Variants in FREM2 observed in about 807,000 individuals in gnomAD.
FREM2 encodes the protein FRAS1-related extracellular matrix protein 2.
Under a neutral mutation model 219.9 loss-of-function variants are expected in FREM2, and 119 were observed. The ratio of observed to expected loss-of-function variants is 0.54; its 90% CI spans 0.47 to 0.63. The LOEUF (loss-of-function observed/expected upper bound fraction) is 0.63, where lower values mean the gene tolerates loss of function less well. Ranked by LOEUF, FREM2 falls within the 30% of genes least tolerant of loss-of-function variation. The pLI, the probability that FREM2 is intolerant of heterozygous loss-of-function variation, is 0.00. For synonymous variants in FREM2, 1,562 were observed against 1,522.8 expected, an observed-to-expected ratio of 1.03 and a Z score of -0.60; for missense variants, 4,030 against 3,993.6, an observed-to-expected ratio of 1.01 and a Z score of -0.25.
chr13:38,721,456 G>A lies in FREM2; in HGVS notation c.5263+23669G>A, dbSNP rs139340188. The stretch of plus-strand genomic sequence containing the variant: ...GAGGCAGCCACCCAGGGAGGGGGAC[G>A]CAGCACCAGACAAGTAGCTGCAGTC... On this transcript the variant is annotated intron_variant, in intron 2 of 23. Coordinates refer to ENST00000280481, the MANE Select transcript of FREM2 (RefSeq NM_207361.6). 4.4e-3 allele frequency among the ~76,000 whole-genome samples: 666 copies of A among 152,242 alleles called. 10 individuals carry two copies. Among genetic ancestry groups the A allele is most frequent in the African/African-American group, 0.015 (616 of 41,540 alleles).
chr13:38,689,705 AC>A lies in FREM2; in HGVS notation c.2366del (p.Pro789ArgfsTer59), dbSNP rs1566103941. 1.2e-6 allele frequency: 2 copies of A among 1,613,658 alleles called. No homozygotes were observed. The highest frequency in any genetic ancestry group is 1.7e-5 in the Admixed American group (1 of 59,956). ...TCAACCATCATAAAATTGCTTACAG[AC>A]CCCCGGGTCAAGAACTGGGCGTGGC... ...QINHHKIAYR[P>X]PGQELGVATR... On this transcript the variant is annotated frameshift_variant, in exon 1 of 24. Transcript: ENST00000280481. LOFTEE classifies it high-confidence loss of function.
rs1257763820 is a variant in FREM2, at chr13:38,872,886, A to G, written c.8128A>G (p.Ile2710Val). 6.2e-7 allele frequency: 1 copy of G among 1,614,016 alleles called. No individual in the cohort carries two copies. The highest frequency in any genetic ancestry group is 2.2e-5 in the East Asian group (1 of 44,880). The change falls in exon 17 of 24, where the codon ATC becomes GTC. Residue 2710 changes from isoleucine to valine, a missense_variant. Physicochemically the swap from Ile to Val is conservative, Grantham distance 29. Transcript: ENST00000280481. Reference protein sequence around the residue: ...LRLTFVYDTAILWNDGIGSPP... With the variant: ...LRLTFVYDTAVLWNDGIGSPP... ...TCTAACTTTTGTGTACGACACCGCC[A>G]TCTTGTGGAATGATGGAATTGGCAG...
chr13:38,803,330 A>C (rs1354979531), intron 6 of FREM2, among the ~76,000 whole-genome samples: 2 of 152,154 alleles, frequency 1.3e-5, no homozygotes, highest in Admixed American at 6.5e-5. Flanking sequence ...TCTCTGTGCT[A>C]ACTCTTAACT....
Position 38,688,982 on chromosome 13 carries a change from G to A in FREM2, c.1638G>A (p.Gln546=). ...MVDGGGRHQV[Q]FLFPITLVPV... is the part of the protein sequence containing the mutation. The stretch of plus-strand genomic sequence containing the variant: ...ATGGAGGAGGCAGGCACCAGGTACA[G>A]TTTCTGTTCCCCATCACCTTAGTGC... Residue 546 remains glutamine (Q), a synonymous_variant, in exon 1 of 24, where the codon CAG becomes CAA. Transcript: ENST00000280481. 6.2e-7 allele frequency: 1 copy of A among 1,613,984 alleles called. No homozygotes were observed. The highest frequency in any genetic ancestry group is 8.5e-7 in the Non-Finnish European group (1 of 1,179,974).
At chr13:38,720,991 A>T (rs1392392729) in intron 2 of FREM2, among the ~76,000 whole-genome samples, 1 of 152,170 alleles carries the variant, frequency 6.6e-6, no homozygotes, top group African/African-American at 2.4e-5. Context: ...CACTATGAAG[A>T]TTAAAGAAAT....
intron 6 of FREM2, among the ~76,000 whole-genome samples, chr13:38,845,689 C>T (rs1411160505): frequency 1.3e-5 from 2 of 151,944 alleles, no homozygotes; most frequent in Non-Finnish European, 2.9e-5. Flanking sequence ...TTTTTTTTTA[C>T]AGTAAGATCA....
chr13:38,741,387 C>T (rs1872242506), intron 2 of FREM2, among the ~76,000 whole-genome samples: 1 of 152,194 alleles, frequency 6.6e-6, no homozygotes, highest in South Asian at 2.1e-4. Flanking sequence ...CAGCAAGTCA[C>T]AAACCACCAG....
chr13:38,688,845 A>G lies in FREM2; in HGVS notation c.1501A>G (p.Ser501Gly). 6.2e-7 allele frequency: 1 copy of G among 1,613,854 alleles called. No individual in the cohort carries two copies. The highest frequency in any genetic ancestry group is 1.1e-5 in the South Asian group (1 of 91,088). The change falls in exon 1 of 24, where the codon AGC becomes GGC. Residue 501 changes from serine to glycine, a missense_variant. Physicochemically the swap from Ser to Gly is moderately conservative, Grantham distance 56. Around this residue, in one of 2 missense-constraint regions of FREM2, gnomAD observed 3,102 missense variants for 2,950.7 expected, o/e 1.05. Transcript: ENST00000280481. Reference protein sequence around the residue: ...HLVILGASSGSSAPKSFTVAE... With the variant: ...HLVILGASSGGSAPKSFTVAE... ...TGTCATTCTGGGTGCTTCCAGTGGCAGCTCTGCTCCCAAGAGCTTTACAGT... is the reference window on the plus strand; with the variant it reads ...TGTCATTCTGGGTGCTTCCAGTGGCGGCTCTGCTCCCAAGAGCTTTACAGT...
At chr13:38,852,316 A>G (rs1043562193) in intron 11 of FREM2, among the ~76,000 whole-genome samples, 1 of 152,202 alleles carries the variant, frequency 6.6e-6, no homozygotes, top group Admixed American at 6.5e-5. Context: ...AACAAACACA[A>G]TGGGATTTAT....
intron 6 of FREM2, among the ~76,000 whole-genome samples, chr13:38,844,668 A>G (rs1408040158): frequency 6.6e-6 from 1 of 152,176 alleles, no homozygotes; most frequent in Non-Finnish European, 1.5e-5. Context: ...GTTAAATAAA[A>G]GGTCCTCCCT....
chr13:38,823,217 G>A (rs1036586319), intron 6 of FREM2, among the ~76,000 whole-genome samples: 1 of 151,724 alleles, frequency 6.6e-6, no homozygotes, highest in Non-Finnish European at 1.5e-5. Context: ...TTCCTCGTCT[G>A]AACTGCCATC....
intron 6 of FREM2, among the ~76,000 whole-genome samples, chr13:38,825,158 AC>A (rs1449150973): frequency 1.8e-4 from 27 of 152,270 alleles, no homozygotes; most frequent in African/African-American, 6.5e-4. Flanking sequence ...CATTATTATT[AC>A]TGCCAAGACA....
chr13:38,802,372 G>T (rs1369382081), intron 6 of FREM2, among the ~76,000 whole-genome samples: 1 of 152,008 alleles, frequency 6.6e-6, no homozygotes, highest in Admixed American at 6.6e-5. Context: ...TCCTTTTTTG[G>T]CCCAGCAGCA....
At chr13:38,699,972 C>T (rs2138081860) in intron 2 of FREM2, among the ~76,000 whole-genome samples, 1 of 151,906 alleles carries the variant, frequency 6.6e-6, no homozygotes, top group East Asian at 1.9e-4. Flanking sequence ...AGTATTTCAC[C>T]CCTGGGAAGC....
rs1869485148 is a variant in FREM2 at position 38,687,145 on chromosome 13, C to T, written c.-200C>T. ...GGCGGAGCTGGACGGCCTGGGAAGGCTTCGGCTCCTCGGCTGCGGCTCCAG... is the reference window on the plus strand; with the variant it reads ...GGCGGAGCTGGACGGCCTGGGAAGGTTTCGGCTCCTCGGCTGCGGCTCCAG... On this transcript the variant is annotated 5_prime_UTR_variant, in exon 1 of 24. Transcript: ENST00000280481. 1.5e-6 allele frequency: 1 copy of T among 678,844 alleles called. No individual in the cohort carries two copies. Among genetic ancestry groups the T allele is most frequent in the Non-Finnish European group, 2.5e-6 (1 of 403,144 alleles). The allele number at this position is 678,844 out of a possible 1,614,324, so 42.1% of individuals were successfully genotyped here. A position where few individuals can be genotyped will look rare whatever the true frequency, so the allele number is the denominator to read the frequency against.
At chr13:38,701,715 G>A (rs1241001992) in intron 2 of FREM2, among the ~76,000 whole-genome samples, 1 of 151,896 alleles carries the variant, frequency 6.6e-6, no homozygotes, top group African/African-American at 2.4e-5. Flanking sequence ...CCTAATGATT[G>A]TTAATCACTC....
At position 38,883,949 on chromosome 13, in the gene FREM2, G is replaced by T. The variant is rs919633815; in HGVS notation, c.*3162G>T. ...CAAAACCTCACTGGGGGAGTGCCTT[G>T]TAGAGCTGTGGGTGGGACTGCACAT... On this transcript the variant is annotated 3_prime_UTR_variant, in exon 24 of 24. Coordinates refer to ENST00000280481, the MANE Select transcript of FREM2 (RefSeq NM_207361.6). The T allele has an allele frequency of 1.3e-5, 2 of 152,202 alleles. No homozygotes were observed. Among genetic ancestry groups the T allele is most frequent in the East Asian group, 3.8e-4 (2 of 5,202 alleles). The allele number at this position is 152,202 out of a possible 1,614,324, so 9.4% of individuals were successfully genotyped here. A position where few individuals can be genotyped will look rare whatever the true frequency, so the allele number is the denominator to read the frequency against.
In FREM2 at chr13:38,690,469, A is replaced by T; in HGVS notation, c.3125A>T (p.Glu1042Val). 1 of 1,614,206 alleles carries T rather than the reference A, an allele frequency of 6.2e-7. No individual in the cohort carries two copies. Among genetic ancestry groups the T allele is most frequent in the Non-Finnish European group, 8.5e-7 (1 of 1,180,038 alleles). The change falls in exon 1 of 24, where the codon GAA (glutamate) becomes GTA (valine). Residue 1042 changes from glutamate to valine, a missense_variant. This residue lies in a region of FREM2 where 3,102 missense variants were observed against 2,950.7 expected (regional missense o/e 1.05). Coordinates refer to ENST00000280481, the MANE Select transcript of FREM2 (RefSeq NM_207361.6). Reference sequence around the variant, plus strand: ...CTGAGTCTGTCAGATATGTCTCAAGAATGGAGAATTGGTGGCAATACTATC... The same window carrying T: ...CTGAGTCTGTCAGATATGTCTCAAGTATGGAGAATTGGTGGCAATACTATC... ...FNLSLSDMSQ[E>V]WRIGGNTIQG...
intron 16 of FREM2, among the ~76,000 whole-genome samples, chr13:38,865,981 G>C (rs904633723): frequency 6.6e-6 from 1 of 152,002 alleles, no homozygotes; most frequent in Non-Finnish European, 1.5e-5. Flanking sequence ...AAAAATAAAG[G>C]CTCATATTAA....
Sources: gnomAD v4.1 joint callset for allele counts (sites outside exome capture counted in the v4.1 genomes callset) on GRCh38, gnomAD v4.1.1 for gene constraint, gnomAD v4.1.1 regional missense constraint, MANE v1.5 for transcripts, NCBI Gene and HGNC (gene_info 2026-07-23, HGNC 2026-07-21) for gene names.